Variants in MYO5B observed in about 807,000 individuals in gnomAD.
MYO5B encodes the protein unconventional myosin-Vb.
A neutral mutation model predicts 229.3 loss-of-function variants in MYO5B; 143 were observed. The ratio of observed to expected loss-of-function variants is 0.62; its 90% CI spans 0.54 to 0.72. The LOEUF (loss-of-function observed/expected upper bound fraction) is 0.72, where lower values mean the gene tolerates loss of function less well. MYO5B is among the 30% of genes least tolerant of loss of function. The pLI is 0.00. For synonymous variants in MYO5B, 918 were observed against 885.2 expected, an observed-to-expected ratio of 1.04 and a Z score of -0.66; for missense variants, 2,321 against 2,331.0, an observed-to-expected ratio of 1.00 and a Z score of 0.09.
intron 4 of MYO5B, among the ~76,000 whole-genome samples, chr18:50,027,585 C>T (rs1005746432): frequency 2.0e-5 from 3 of 152,212 alleles, no homozygotes; most frequent in Non-Finnish European, 4.4e-5. Flanking sequence ...GATTGACTAA[C>T]CCAGTGTGTG....
intron 19 of MYO5B, among the ~76,000 whole-genome samples, chr18:49,905,408 A>T (rs1388581466): frequency 6.6e-6 from 1 of 150,848 alleles, no homozygotes; most frequent in Non-Finnish European, 1.5e-5. Flanking sequence ...TTCCCATCTC[A>T]CCTCCCAGAT....
chr18:49,843,541 A>G (rs2024088627), intron 33 of MYO5B, 149 bp from the exon 34 acceptor site: 1 of 939,584 alleles, frequency 1.1e-6, no homozygotes, highest in Non-Finnish European at 1.6e-6. Flanking sequence ...GAGAGAAGCC[A>G]CCCAGGGTAC....
At chr18:50,137,311 C>T (rs2144280760) in intron 1 of MYO5B, among the ~76,000 whole-genome samples, 1 of 152,278 alleles carries the variant, frequency 6.6e-6, no homozygotes, top group East Asian at 1.9e-4. Context: ...TGCTTTATGC[C>T]AGCACTGTGT....
At chr18:49,885,988 G>A (rs1486637319) in intron 22 of MYO5B, among the ~76,000 whole-genome samples, 2 of 152,174 alleles carry the variant, frequency 1.3e-5, no homozygotes, top group African/African-American at 4.8e-5. Context: ...ACCCAAGCTG[G>A]AGTGCTGTGG....
chr18:49,934,864 T>A (rs2025232218), intron 16 of MYO5B, among the ~76,000 whole-genome samples: 2 of 152,194 alleles, frequency 1.3e-5, no homozygotes, highest in Non-Finnish European at 2.9e-5. Context: ...GTTCAGATAT[T>A]CAGTCTGAGA....
chr18:49,990,401 G>T, intron 7 of MYO5B, 38 bp downstream of exon 7: 1 of 1,554,158 alleles, frequency 6.4e-7, no homozygotes, highest in Non-Finnish European at 8.9e-7. Context: ...TGGAGCAGTA[G>T]CCCACCCCAG....
At chr18:49,938,330 G>A (rs189782057) in intron 14 of MYO5B, among the ~76,000 whole-genome samples, 1 of 152,220 alleles carries the variant, frequency 6.6e-6, no homozygotes, top group Admixed American at 6.5e-5. Flanking sequence ...CAGAGTCCCA[G>A]CCATCAAGAA....
intron 4 of MYO5B, among the ~76,000 whole-genome samples, chr18:50,010,600 T>C (rs1246703686): frequency 2.0e-5 from 3 of 152,248 alleles, no homozygotes; most frequent in Non-Finnish European, 4.4e-5. Flanking sequence ...CTGAAGTTTA[T>C]AGAACTGCTA....
chr18:49,990,626 A>C lies in MYO5B; in HGVS notation c.757-106T>G, dbSNP rs907793616. The C allele has an allele frequency of 1.4e-5, 12 of 887,448 alleles. 1 individual carries two copies. The highest frequency in any genetic ancestry group is 2.2e-4 in the Middle Eastern group (1 of 4,598). 55.0% of individuals were successfully genotyped at this position (887,448 alleles called of 1,614,324 possible). A position where few individuals can be genotyped will look rare whatever the true frequency, so the allele number is the denominator to read the frequency against. On this transcript the variant is annotated intron_variant, in intron 6 of 39. Transcript: ENST00000285039. ...CCAGGTGGTGGAGGCTGAGCCCCCC[A>C]CTCTTCCCAGTGTTTTCCTCCACAC...
intron 1 of MYO5B, among the ~76,000 whole-genome samples, chr18:50,175,705 CAAATTCTTACTCAAAGGTG>C (rs1487671896): frequency 6.6e-6 from 1 of 152,218 alleles, no homozygotes; most frequent in Admixed American, 6.5e-5. Context: ...TCATAAAGGT[CAAATTCTTACTCAAAGGTG>C]AAATTCTTAC....
chr18:49,900,635 C>T (rs745348631), intron 21 of MYO5B, among the ~76,000 whole-genome samples: 2 of 152,164 alleles, frequency 1.3e-5, no homozygotes, highest in Non-Finnish European at 2.9e-5. Context: ...TTTAAAAATG[C>T]CCAGTATAGA....
In MYO5B at chr18:49,963,041, G is replaced by C. The variant is rs1278508230; in HGVS notation, c.1323-11C>G. On this transcript the variant is annotated splice_polypyrimidine_tract_variant and intron_variant, in intron 10 of 39. Coordinates refer to ENST00000285039, the MANE Select transcript of MYO5B (RefSeq NM_001080467.3). ...TCAAATGTCTCAAACCTACAGAATG[G>C]AAAGAGAAGATAAGAGACGTCTCCT... The C allele has an allele frequency of 1.2e-6, 2 of 1,610,302 alleles. No homozygotes were observed. The highest frequency in any genetic ancestry group is 1.3e-5 in the African/African-American group (1 of 74,814).
intron 24 of MYO5B, 40 bp from the exon 25 acceptor site, chr18:49,877,922 A>G: frequency 6.2e-7 from 1 of 1,613,576 alleles, no homozygotes; most frequent in East Asian, 2.2e-5. Context: ...TTAGGAACTA[A>G]TGTTCATGAG....
chr18:49,993,924 C>T (rs192846330), intron 5 of MYO5B, among the ~76,000 whole-genome samples: 4 of 152,224 alleles, frequency 2.6e-5, no homozygotes, highest in East Asian at 1.9e-4. Flanking sequence ...TGGCAGGAAC[C>T]GACCCTTCCC....
At chr18:50,037,152 T>C (rs993890325) in intron 3 of MYO5B, among the ~76,000 whole-genome samples, 158 bp from the exon 4 acceptor site, 1 of 151,986 alleles carries the variant, frequency 6.6e-6, no homozygotes, top group African/African-American at 2.4e-5. Flanking sequence ...AAGGCTCATC[T>C]GTGTGCTTCA....
intron 1 of MYO5B, among the ~76,000 whole-genome samples, chr18:50,096,173 A>G (rs910168951): frequency 2.0e-5 from 3 of 152,196 alleles, no homozygotes; most frequent in Non-Finnish European, 4.4e-5. Flanking sequence ...ACCACATTAA[A>G]TAGCCACATT....
intron 4 of MYO5B, among the ~76,000 whole-genome samples, chr18:50,016,266 T>A (rs369212760): frequency 7.0e-4 from 106 of 152,200 alleles, no homozygotes; most frequent in African/African-American, 2.5e-3. Context: ...AAAATATGTA[T>A]TAACCCATGA....
chr18:49,892,089 G>T (rs545224526), intron 22 of MYO5B, among the ~76,000 whole-genome samples: 1 of 152,272 alleles, frequency 6.6e-6, no homozygotes, highest in East Asian at 1.9e-4. Flanking sequence ...AGCCCTGGGG[G>T]CCACCTCTCT....
chr18:49,841,911 T>A (rs368092858), intron 34 of MYO5B, among the ~76,000 whole-genome samples: 1 of 152,194 alleles, frequency 6.6e-6, no homozygotes, highest in Non-Finnish European at 1.5e-5. Context: ...AGATGTCAGA[T>A]GCATCATGGC....
Sources: gnomAD v4.1 joint callset for allele counts (sites outside exome capture counted in the v4.1 genomes callset) on GRCh38, gnomAD v4.1.1 for gene constraint, MANE v1.5 for transcripts, NCBI Gene and HGNC (gene_info 2026-07-23, HGNC 2026-07-21) for gene names.